The following PTK2B variants were observed in gnomAD, a reference collection of about 807,000 sequenced individuals.
The protein encoded by PTK2B is protein tyrosine kinase 2 beta.
Under a neutral mutation model 142.9 loss-of-function variants are expected in PTK2B, and 71 were observed. The ratio of observed to expected loss-of-function variants is 0.50; its 90% CI spans 0.41 to 0.61. The LOEUF (loss-of-function observed/expected upper bound fraction) is 0.61. Ranked by LOEUF, PTK2B falls within the 20% of genes least tolerant of loss-of-function variation. The pLI, the probability that PTK2B is intolerant of heterozygous loss-of-function variation, is 0.00. For synonymous variants in PTK2B, 519 were observed against 503.4 expected (o/e 1.03, Z -0.42); for missense variants, 1,105 against 1,320.4 (o/e 0.84, Z 2.53).
At chr8:27,414,006 T>C (rs1809227613) in intron 2 of PTK2B, among the ~76,000 whole-genome samples, 1 of 152,260 alleles carries the variant, frequency 6.6e-6, no homozygotes, top group African/African-American at 2.4e-5. Context: ...TAAGTAATCC[T>C]AGATGTGGCC....
At chr8:27,360,235 G>C (rs1259006949) in intron 1 of PTK2B, among the ~76,000 whole-genome samples, 1 of 152,204 alleles carries the variant, frequency 6.6e-6, no homozygotes, top group Admixed American at 6.5e-5. Context: ...TAGAATCTAG[G>C]TCTAGGGTGA....
At chr8:27,354,295 G>C (rs1428849537) in intron 1 of PTK2B, among the ~76,000 whole-genome samples, 1 of 152,128 alleles carries the variant, frequency 6.6e-6, no homozygotes, top group South Asian at 2.1e-4. Flanking sequence ...CAGCCAAAAG[G>C]GTGGGGTACT....
intron 1 of PTK2B, among the ~76,000 whole-genome samples, chr8:27,376,851 C>G (rs1215213351): frequency 6.6e-6 from 1 of 152,244 alleles, no homozygotes; most frequent in Non-Finnish European, 1.5e-5. Context: ...AAACAGCAGC[C>G]TTCAAGACTG....
chr8:27,444,647 C>G (rs1586344007), intron 23 of PTK2B, among the ~76,000 whole-genome samples: 1 of 152,190 alleles, frequency 6.6e-6, no homozygotes, highest in South Asian at 2.1e-4. Context: ...AGGCCCCATC[C>G]AGAACCTGGG....
At chr8:27,434,962 T>G (rs1329089493) in intron 13 of PTK2B, among the ~76,000 whole-genome samples, 1 of 151,816 alleles carries the variant, frequency 6.6e-6, no homozygotes, top group Non-Finnish European at 1.5e-5. Context: ...ATGGCACCAC[T>G]GCACTCCAGC....
At chr8:27,335,409 A>G (rs185905258) in intron 1 of PTK2B, among the ~76,000 whole-genome samples, 1,624 of 152,230 alleles carry the variant, frequency 0.011, 41 homozygotes, top group African/African-American at 0.037. Flanking sequence ...CCTGACCAAC[A>G]TGGAGAAACC....
chr8:27,368,783 C>T (rs967053831), intron 1 of PTK2B, among the ~76,000 whole-genome samples: 2 of 152,186 alleles, frequency 1.3e-5, no homozygotes, highest in African/African-American at 4.8e-5. Context: ...GAACACTGAC[C>T]ACTCTTGCTG....
chr8:27,425,276 C>T (rs1810014643), intron 5 of PTK2B, among the ~76,000 whole-genome samples: 1 of 151,444 alleles, frequency 6.6e-6, no homozygotes, highest in Non-Finnish European at 1.5e-5. Flanking sequence ...TATGGTATTG[C>T]ATGCTATACA....
chr8:27,331,449 T>G (rs950526037), intron 1 of PTK2B, among the ~76,000 whole-genome samples: 1 of 144,080 alleles, frequency 6.9e-6, no homozygotes, highest in Non-Finnish European at 1.5e-5. Flanking sequence ...TGGAGCACCA[T>G]CATTTTCTGG....
At chr8:27,335,838 G>A (rs1804029381) in intron 1 of PTK2B, among the ~76,000 whole-genome samples, 1 of 152,126 alleles carries the variant, frequency 6.6e-6, no homozygotes, top group Non-Finnish European at 1.5e-5. Context: ...CAGGGGGTGT[G>A]GGGACTTTTT....
chr8:27,319,171 C>A (rs1038098323), intron 3 of PTK2B, among the ~76,000 whole-genome samples: 1 of 151,982 alleles, frequency 6.6e-6, no homozygotes, highest in Non-Finnish European at 1.5e-5. Context: ...GTTTCAAATG[C>A]ACTCAATATT....
intron 2 of PTK2B, among the ~76,000 whole-genome samples, chr8:27,412,142 G>A (rs1399453734): frequency 1.3e-5 from 2 of 150,624 alleles, no homozygotes; most frequent in African/African-American, 4.9e-5. Context: ...AATTTATTAG[G>A]CCTTATTATA....
At chr8:27,414,489 G>A (rs1056252326) in intron 2 of PTK2B, among the ~76,000 whole-genome samples, 4 of 150,822 alleles carry the variant, frequency 2.7e-5, no homozygotes, top group East Asian at 1.9e-4. Flanking sequence ...CTCGTGATCC[G>A]CCCGCCTCAG....
At chr8:27,387,325 T>C (rs183561576) in intron 1 of PTK2B, among the ~76,000 whole-genome samples, 6 of 152,258 alleles carry the variant, frequency 3.9e-5, no homozygotes, top group Admixed American at 3.9e-4. Context: ...GAGATATCAG[T>C]GAGGTAGCAA....
chr8:27,350,775 C>CAA lies in PTK2B; in HGVS notation c.-38+25095_-38+25096dup, dbSNP rs202244705. ...AGGTCATCACCTGAGGTTAGGAGTT[C>CAA]AAGACCACTCTGGCCAACATGGTGA... On this transcript the variant is annotated intron_variant, in intron 1 of 30. Transcript: ENST00000346049. 4.5e-3 allele frequency among the ~76,000 whole-genome samples: 682 copies of CAA among 151,138 alleles called. 7 individuals carry two copies. Among genetic ancestry groups the CAA allele is most frequent in the East Asian group, 0.035 (180 of 5,138 alleles).
At chr8:27,317,710 T>C (rs951374527) in intron 3 of PTK2B, among the ~76,000 whole-genome samples, 1 of 152,232 alleles carries the variant, frequency 6.6e-6, no homozygotes, top group Non-Finnish European at 1.5e-5. Context: ...GGAGGGACAT[T>C]TGTTCTCCCA....
At chr8:27,374,808 G>A (rs565920210) in intron 1 of PTK2B, among the ~76,000 whole-genome samples, 1 of 152,324 alleles carries the variant, frequency 6.6e-6, no homozygotes, top group East Asian at 1.9e-4. Context: ...ACCAGAAAAC[G>A]TGGTTATTAC....
intron 1 of PTK2B, among the ~76,000 whole-genome samples, chr8:27,338,331 G>T (rs1028840813): frequency 1.3e-5 from 2 of 151,956 alleles, no homozygotes; most frequent in Non-Finnish European, 2.9e-5. Flanking sequence ...ATTGCTGAGG[G>T]AGCTAAGCTA....
intron 30 of PTK2B, 24 bp from the exon 31 acceptor site, chr8:27,458,270 C>T (rs751658990): frequency 1.2e-6 from 2 of 1,606,990 alleles, no homozygotes; most frequent in South Asian, 1.1e-5. Flanking sequence ...GCCTCTCAAC[C>T]TGTCCTGTGT....
Sources: allele counts gnomAD v4.1 joint callset (sites outside exome capture counted in the v4.1 genomes callset), GRCh38; gene constraint gnomAD v4.1.1; transcripts MANE v1.5; gene names NCBI Gene and HGNC (gene_info 2026-07-23, HGNC 2026-07-21).